The following EDIL3 variants were observed in gnomAD, a reference collection of about 807,000 sequenced individuals.
The protein encoded by EDIL3 is EGF-like repeat and discoidin I-like domain-containing protein 3.
A neutral mutation model predicts 67.4 loss-of-function variants in EDIL3; 37 were observed. The observed-to-expected ratio is 0.55, with a 90% CI of 0.42 to 0.72. The LOEUF (loss-of-function observed/expected upper bound fraction) is 0.72. Among genes scored for constraint, EDIL3 ranks in the 30% least tolerant of loss-of-function variants. EDIL3 has a pLI of 0.00. For synonymous variants in EDIL3, 195 were observed against 196.3 expected (o/e 0.99, Z 0.05); for missense variants, 527 against 586.3 (o/e 0.90, Z 1.04).
intron 4 of EDIL3, among the ~76,000 whole-genome samples, chr5:84,148,670 A>T (rs1041856398): frequency 6.6e-6 from 1 of 151,994 alleles, no homozygotes; most frequent in African/African-American, 2.4e-5. Context: ...AAATTATAGG[A>T]TATTTTGTGG....
At chr5:84,231,099 G>A (rs1023877240) in intron 2 of EDIL3, among the ~76,000 whole-genome samples, 2 of 152,056 alleles carry the variant, frequency 1.3e-5, no homozygotes, top group Admixed American at 6.5e-5. Flanking sequence ...CCAGGATTGA[G>A]GTATTACTAG....
intron 3 of EDIL3, among the ~76,000 whole-genome samples, chr5:84,220,462 T>C (rs980224151): frequency 6.6e-6 from 1 of 152,140 alleles, no homozygotes; most frequent in South Asian, 2.1e-4. Flanking sequence ...TTCTCAATAA[T>C]CACATTTTCA....
chr5:84,140,163 G>T (rs1188961902), intron 4 of EDIL3, among the ~76,000 whole-genome samples: 1 of 152,118 alleles, frequency 6.6e-6, no homozygotes, highest in Non-Finnish European at 1.5e-5. Flanking sequence ...AATAAAGGAA[G>T]ATGGGACAGA....
intron 9 of EDIL3, among the ~76,000 whole-genome samples, chr5:84,049,990 G>C (rs915360426): frequency 6.6e-6 from 1 of 151,996 alleles, no homozygotes; most frequent in Non-Finnish European, 1.5e-5. Flanking sequence ...ATGAGGTCAG[G>C]AGATCGAGAC....
At chr5:84,365,379 T>TA (rs1352010571) in intron 1 of EDIL3, among the ~76,000 whole-genome samples, 1 of 152,130 alleles carries the variant, frequency 6.6e-6, no homozygotes, top group Non-Finnish European at 1.5e-5. Context: ...GTTCCACCTT[T>TA]AAAAAATCTT....
chr5:83,967,756 AT>A (rs906222231), intron 9 of EDIL3, among the ~76,000 whole-genome samples: 1 of 152,114 alleles, frequency 6.6e-6, no homozygotes, highest in African/African-American at 2.4e-5. Flanking sequence ...AGACTGGAAA[AT>A]TAAGTTGATT....
At chr5:83,999,686 C>T (rs1745291837) in intron 9 of EDIL3, among the ~76,000 whole-genome samples, 1 of 151,808 alleles carries the variant, frequency 6.6e-6, no homozygotes, top group Non-Finnish European at 1.5e-5. Context: ...GGGTTGATGG[C>T]CTTAAAGAGA....
intron 4 of EDIL3, among the ~76,000 whole-genome samples, chr5:84,175,057 T>C (rs987119928): frequency 9.2e-5 from 14 of 152,186 alleles, no homozygotes; most frequent in African/African-American, 3.1e-4. Flanking sequence ...ATGCTTTCTG[T>C]AGGCGGTGGC....
At chr5:84,263,394 C>T (rs749006352) in intron 1 of EDIL3, among the ~76,000 whole-genome samples, 3 of 152,272 alleles carry the variant, frequency 2.0e-5, no homozygotes, top group Non-Finnish European at 1.5e-5. Context: ...TGGTAGGCAT[C>T]AGTGCCAGCC....
At chr5:84,262,599 C>A (rs894367207) in intron 1 of EDIL3, among the ~76,000 whole-genome samples, 1 of 141,666 alleles carries the variant, frequency 7.1e-6, no homozygotes, top group Non-Finnish European at 1.5e-5. Context: ...AAATAAGTAG[C>A]GAAAATTTTG....
At chr5:84,106,627 C>T (rs762788552) in intron 6 of EDIL3, 22 bp downstream of exon 6, 3 of 1,578,948 alleles carry the variant, frequency 1.9e-6, no homozygotes, top group Non-Finnish European at 8.6e-7. Flanking sequence ...TAACATTAAC[C>T]TTGTCCCATC....
intron 6 of EDIL3, among the ~76,000 whole-genome samples, chr5:84,074,680 A>C (rs1456749632): frequency 1.3e-5 from 2 of 152,036 alleles, no homozygotes; most frequent in Non-Finnish European, 2.9e-5. Flanking sequence ...AATGGCAATC[A>C]TTCAAAAGTC....
rs916255413 is a variant in EDIL3 at position 84,384,635 on chromosome 5, C to T, written c.-261G>A. On this transcript the variant is annotated 5_prime_UTR_variant, in exon 1 of 11. Transcript: ENST00000296591. ...TCCGGGGAGCCGCCGGCGGGCTCAG[C>T]CCTCCGCTGCGGGTGGGTCCCGGCA... 2 of 269,902 alleles carry T rather than the reference C, an allele frequency of 7.4e-6. No individual in the cohort carries two copies. Among genetic ancestry groups the T allele is most frequent in the Non-Finnish European group, 1.4e-5 (2 of 144,720 alleles). 16.7% of individuals were successfully genotyped at this position (269,902 alleles called of 1,614,324 possible).
intron 4 of EDIL3, among the ~76,000 whole-genome samples, chr5:84,144,093 C>T (rs568112787): frequency 2.0e-5 from 3 of 152,044 alleles, no homozygotes; most frequent in Non-Finnish European, 4.4e-5. Context: ...GAGATTGTGA[C>T]TTAAATGGTC....
At chr5:84,171,867 T>C (rs1445190778) in intron 4 of EDIL3, among the ~76,000 whole-genome samples, 2 of 152,192 alleles carry the variant, frequency 1.3e-5, no homozygotes, top group African/African-American at 4.8e-5. Context: ...GAGCCAGGCA[T>C]TGGTATTTTT....
chr5:84,346,072 A>G (rs1263752793), intron 1 of EDIL3, among the ~76,000 whole-genome samples: 2 of 150,442 alleles, frequency 1.3e-5, no homozygotes, highest in African/African-American at 4.9e-5. Context: ...CATTCATTTC[A>G]TTCATTTATT....
At chr5:84,249,353 A>G (rs1744974398) in intron 2 of EDIL3, among the ~76,000 whole-genome samples, 1 of 151,994 alleles carries the variant, frequency 6.6e-6, no homozygotes, top group Admixed American at 6.6e-5. Context: ...AGGTACTTGT[A>G]TCACAACACA....
intron 1 of EDIL3, among the ~76,000 whole-genome samples, chr5:84,376,105 C>T (rs1747960628): frequency 6.6e-6 from 1 of 152,154 alleles, no homozygotes; most frequent in Non-Finnish European, 1.5e-5. Flanking sequence ...TTTTAACATG[C>T]TACTTAGTAG....
chr5:84,345,565 G>A (rs1042390736), intron 1 of EDIL3, among the ~76,000 whole-genome samples: 10 of 152,066 alleles, frequency 6.6e-5, no homozygotes, highest in Non-Finnish European at 1.3e-4. Context: ...ATTTAGTAGG[G>A]TCCCCTTAAA....
Sources: gnomAD v4.1 joint callset for allele counts (sites outside exome capture counted in the v4.1 genomes callset) on GRCh38, gnomAD v4.1.1 for gene constraint, MANE v1.5 for transcripts, NCBI Gene and HGNC (gene_info 2026-07-23, HGNC 2026-07-21) for gene names.